The following LIMK1 variants were observed in gnomAD, a reference collection of about 807,000 sequenced individuals.
LIMK1 encodes the protein LIM domain kinase 1, also known as LIM motif-containing protein kinase.
Under a neutral mutation model 77.6 loss-of-function variants are expected in LIMK1, and 21 were observed. That is an observed-to-expected ratio of 0.27 (90% CI 0.19 to 0.39). LIMK1 has a LOEUF of 0.39. Among genes scored for constraint, LIMK1 ranks in the 10% least tolerant of loss-of-function variants. LIMK1 has a pLI of 1.00. For synonymous variants in LIMK1, 358 were observed against 370.0 expected (o/e 0.97, Z 0.37); for missense variants, 696 against 901.6 (o/e 0.77, Z 2.92).
At chr7:74,109,129 G>A (rs782767838) in intron 10 of LIMK1, 93 bp downstream of exon 10, 13 of 996,738 alleles carry the variant, frequency 1.3e-5, no homozygotes, top group Non-Finnish European at 1.5e-5. Context: ...TCAATGGGGG[G>A]AAGCCACAGG....
chr7:74,114,499 T>C (rs1427985204), intron 12 of LIMK1, among the ~76,000 whole-genome samples: 2 of 149,638 alleles, frequency 1.3e-5, no homozygotes, highest in Non-Finnish European at 3.0e-5. Context: ...TGCAATGAGC[T>C]GTGTTCGTGC....
At chr7:74,119,486 G>A (rs896621117) in intron 13 of LIMK1, among the ~76,000 whole-genome samples, 2 of 151,490 alleles carry the variant, frequency 1.3e-5, no homozygotes, top group Non-Finnish European at 2.9e-5. Context: ...GCCATGTACC[G>A]ATTATTTTTA....
intron 12 of LIMK1, among the ~76,000 whole-genome samples, chr7:74,112,425 G>A (rs1799718664): frequency 6.6e-6 from 1 of 152,158 alleles, no homozygotes; most frequent in African/African-American, 2.4e-5. Context: ...CAGGCTTCCT[G>A]AAAGAGGAGG....
intron 4 of LIMK1, among the ~76,000 whole-genome samples, chr7:74,098,768 C>T (rs1799387723): frequency 6.6e-6 from 1 of 152,088 alleles, no homozygotes; most frequent in African/African-American, 2.4e-5. Context: ...CGCTTGAACC[C>T]AGGAGGCGGA....
intron 13 of LIMK1, among the ~76,000 whole-genome samples, chr7:74,117,700 C>T (rs1232513317): frequency 1.3e-5 from 2 of 152,088 alleles, no homozygotes; most frequent in East Asian, 1.9e-4. Context: ...GTCCCAGCTA[C>T]TCAGGAAGCC....
chr7:74,100,096 G>A (rs534239795), intron 5 of LIMK1, among the ~76,000 whole-genome samples: 166 of 152,170 alleles, frequency 1.1e-3, no homozygotes, highest in African/African-American at 3.9e-3. Context: ...CCAGGAGTTC[G>A]AAACCAGCCT....
At chr7:74,084,076 C>A in intron 1 of LIMK1, 31 bp downstream of exon 1, 2 of 1,362,880 alleles carry the variant, frequency 1.5e-6, no homozygotes, top group Non-Finnish European at 2.0e-6. Flanking sequence ...GGGGCGAGGG[C>A]CTGGAGGGGG....
At chr7:74,087,439 G>T (rs949795582) in intron 2 of LIMK1, among the ~76,000 whole-genome samples, 14 of 152,098 alleles carry the variant, frequency 9.2e-5, no homozygotes, top group African/African-American at 3.4e-4. Context: ...AACAAATGGT[G>T]TGGGAGAGAA....
At chr7:74,118,602 T>G (rs1173982080) in intron 13 of LIMK1, among the ~76,000 whole-genome samples, 1 of 151,154 alleles carries the variant, frequency 6.6e-6, no homozygotes, top group Non-Finnish European at 1.5e-5. Context: ...ATACAAAAAT[T>G]AGCTGGACAT....
Position 74,107,134 on chromosome 7 carries a change from C to G in LIMK1, c.1006C>G (p.Pro336Ala), listed in dbSNP as rs782187840. Residue 336 changes from proline (P) to alanine (A), a missense_variant, in exon 8 of 16, where the codon CCG becomes GCG. Coordinates refer to ENST00000336180, the MANE Select transcript of LIMK1 (RefSeq NM_002314.4). ...VVCRPHRIFR[P>A]SDLIHGEVLG... Reference sequence around the variant, plus strand: ...CTGCCGGCCACACCGCATCTTCCGGCCGTCGGACCTCATCCACGGGGAGGT... The same window carrying G: ...CTGCCGGCCACACCGCATCTTCCGGGCGTCGGACCTCATCCACGGGGAGGT... The G allele has an allele frequency of 6.2e-7, 1 of 1,613,140 alleles. No individual in the cohort carries two copies. Among genetic ancestry groups the G allele is most frequent in the Non-Finnish European group, 8.5e-7 (1 of 1,179,910 alleles).
intron 9 of LIMK1, 80 bp from the exon 10 acceptor site, chr7:74,108,825 G>A (rs1438790994): frequency 1.3e-6 from 2 of 1,555,322 alleles, no homozygotes; most frequent in Non-Finnish European, 1.7e-6. Flanking sequence ...AGCCCCTGGT[G>A]GGATGGAAAA....
At chr7:74,100,151 G>T (rs1799425445) in intron 5 of LIMK1, among the ~76,000 whole-genome samples, 1 of 151,996 alleles carries the variant, frequency 6.6e-6, no homozygotes, top group Non-Finnish European at 1.5e-5. Flanking sequence ...GAGGCAGAAG[G>T]ATCTCTTGAG....
chr7:74,121,324 T>C lies in LIMK1; in HGVS notation c.*23T>C, dbSNP rs1554700601. The stretch of plus-strand genomic sequence containing the variant: ...TGAGCCAGGGCCACTCAGCTGCCCC[T>C]GTCCCCACCTCTGGAGAATCCACCC... On this transcript the variant is annotated 3_prime_UTR_variant, in exon 16 of 16. Transcript: ENST00000336180. The C allele has an allele frequency of 2.6e-6, 4 of 1,550,640 alleles. No individual in the cohort carries two copies. The highest frequency in any genetic ancestry group is 1.4e-5 in the African/African-American group (1 of 73,682).
chr7:74,107,102 G>A lies in LIMK1; in HGVS notation c.974G>A (p.Arg325His), dbSNP rs782450849. ...GACCTGGGTCGCTCTGAGTCCCTCC[G>A]CGTAGTCTGCCGGCCACACCGCATC... ...RKDLGRSESL[R>H]VVCRPHRIFR... Residue 325 changes from arginine to histidine, a missense_variant, in exon 8 of 16, where the codon CGC becomes CAC. Coordinates refer to ENST00000336180, the MANE Select transcript of LIMK1 (RefSeq NM_002314.4). 2.5e-6 allele frequency: 4 copies of A among 1,612,200 alleles called. No individual in the cohort carries two copies. Among genetic ancestry groups the A allele is most frequent in the Non-Finnish European group, 2.5e-6 (3 of 1,179,758 alleles).
rs907411747 is a variant in LIMK1, at chr7:74,116,951, A to G, written c.1567+993A>G. 1.2e-4 allele frequency among the ~76,000 whole-genome samples: 18 copies of G among 151,586 alleles called. No homozygotes were observed. In the East Asian group the frequency reaches 2.7e-3, roughly 23 times the overall value. The stretch of plus-strand genomic sequence containing the variant: ...GGCTAGAGTGCAGTGGCGTGATCTC[A>G]GCTCACTGCAAGCTCCGCCTCCTGG... On this transcript the variant is annotated intron_variant, in intron 13 of 15. Coordinates refer to ENST00000336180, the MANE Select transcript of LIMK1 (RefSeq NM_002314.4).
At chr7:74,096,329 A>G (rs1006705885) in intron 2 of LIMK1, among the ~76,000 whole-genome samples, 8 of 151,770 alleles carry the variant, frequency 5.3e-5, no homozygotes, top group Non-Finnish European at 8.8e-5. Flanking sequence ...GTGAAACCCC[A>G]TCTCTACTAA....
In LIMK1 at chr7:74,111,915, C is replaced by G; in HGVS notation, c.1345-18C>G. 1 of 1,610,282 alleles carries G rather than the reference C, an allele frequency of 6.2e-7. No individual in the cohort carries two copies. The highest frequency in any genetic ancestry group is 8.5e-7 in the Non-Finnish European group (1 of 1,177,510). The stretch of plus-strand genomic sequence containing the variant: ...CCTCTGCACAGCTGCCCCCTGACTC[C>G]CGTGTCCCCGTCCCTAGGCCTACCT... On this transcript the variant is annotated intron_variant, in intron 11 of 15. Coordinates refer to ENST00000336180, the MANE Select transcript of LIMK1 (RefSeq NM_002314.4).
chr7:74,120,743 C>T, intron 14 of LIMK1, 105 bp downstream of exon 14: 1 of 1,544,554 alleles, frequency 6.5e-7, no homozygotes, highest in Middle Eastern at 1.7e-4. Context: ...GGAAGCCTGC[C>T]CACAGCAAGG....
chr7:74,095,607 T>A (rs1348328834), intron 2 of LIMK1, among the ~76,000 whole-genome samples: 7 of 152,146 alleles, frequency 4.6e-5, no homozygotes, highest in Non-Finnish European at 8.8e-5. Flanking sequence ...GGTCTTACTG[T>A]GTTGCCCAGG....
Sources: gnomAD v4.1 joint callset for allele counts (sites outside exome capture counted in the v4.1 genomes callset) on GRCh38, gnomAD v4.1.1 for gene constraint, MANE v1.5 for transcripts, NCBI Gene and HGNC (gene_info 2026-07-23, HGNC 2026-07-21) for gene names.